Variants in ZNF521 observed in about 807,000 individuals in gnomAD.
ZNF521 encodes zinc finger protein 521, also known as LYST-interacting protein 3.
In ZNF521, 14 loss-of-function variants were observed where a neutral mutation model predicts 105.5. The ratio of observed to expected loss-of-function variants is 0.13; its 90% CI spans 0.09 to 0.21. The LOEUF (loss-of-function observed/expected upper bound fraction) is 0.21, where lower values mean the gene tolerates loss of function less well. Among genes scored for constraint, ZNF521 ranks in the 10% least tolerant of loss-of-function variants. The pLI is 1.00. For synonymous variants in ZNF521, 635 were observed against 606.0 expected (o/e 1.05, Z -0.70); for missense variants, 1,233 against 1,629.7 (o/e 0.76, Z 4.19).
At chr18:25,219,027 TG>T (rs1905524204) in intron 4 of ZNF521, among the ~76,000 whole-genome samples, 1 of 152,178 alleles carries the variant, frequency 6.6e-6, no homozygotes, top group Admixed American at 6.5e-5. Flanking sequence ...GCCTCAGTGA[TG>T]CTCCACTTCC....
intron 5 of ZNF521, among the ~76,000 whole-genome samples, chr18:25,143,495 G>A (rs1168008589): frequency 1.3e-5 from 2 of 152,056 alleles, no homozygotes; most frequent in Non-Finnish European, 2.9e-5. Flanking sequence ...TTCTGGGCAA[G>A]GATGGTTTTG....
chr18:25,266,340 A>G (rs974620451), intron 3 of ZNF521, among the ~76,000 whole-genome samples: 1 of 152,212 alleles, frequency 6.6e-6, no homozygotes, highest in Non-Finnish European at 1.5e-5. Context: ...TTAAAAAACA[A>G]TTTTATTAGA....
At chr18:25,217,865 G>A (rs1905431112) in intron 4 of ZNF521, among the ~76,000 whole-genome samples, 1 of 152,232 alleles carries the variant, frequency 6.6e-6, no homozygotes, top group Non-Finnish European at 1.5e-5. Context: ...TGCTTGGGAT[G>A]GAGAGTCAGG....
At chr18:25,278,306 C>T (rs1910160305) in intron 3 of ZNF521, among the ~76,000 whole-genome samples, 1 of 152,108 alleles carries the variant, frequency 6.6e-6, no homozygotes, top group African/African-American at 2.4e-5. Flanking sequence ...TTAGTAAATG[C>T]CTCAGCACAT....
intron 3 of ZNF521, among the ~76,000 whole-genome samples, chr18:25,270,511 G>A (rs1909579331): frequency 6.6e-6 from 1 of 152,116 alleles, no homozygotes; most frequent in Non-Finnish European, 1.5e-5. Context: ...GATGAACATT[G>A]ATGCAAAAAT....
intron 4 of ZNF521, among the ~76,000 whole-genome samples, chr18:25,220,671 T>A (rs562928734): frequency 1.2e-4 from 19 of 152,276 alleles, no homozygotes; most frequent in African/African-American, 4.1e-4. Context: ...ATGAGGATAA[T>A]GGTAATGCTG....
chr18:25,158,514 T>G (rs1400861913), intron 5 of ZNF521, among the ~76,000 whole-genome samples: 2 of 152,268 alleles, frequency 1.3e-5, no homozygotes, highest in East Asian at 3.9e-4. Flanking sequence ...ATTCTCTGAT[T>G]TTTAGGGAAG....
At chr18:25,157,497 T>G (rs1319532822) in intron 5 of ZNF521, among the ~76,000 whole-genome samples, 1 of 152,232 alleles carries the variant, frequency 6.6e-6, no homozygotes, top group Non-Finnish European at 1.5e-5. Flanking sequence ...TAATCAGAGA[T>G]AATACTATTA....
At chr18:25,243,658 C>T (rs1568031538) in intron 3 of ZNF521, among the ~76,000 whole-genome samples, 1 of 152,130 alleles carries the variant, frequency 6.6e-6, no homozygotes, top group Non-Finnish European at 1.5e-5. Context: ...GATCATCAAG[C>T]TGATTAATAA....
intron 4 of ZNF521, among the ~76,000 whole-genome samples, chr18:25,198,300 A>G (rs948669629): frequency 5.3e-5 from 8 of 151,798 alleles, no homozygotes; most frequent in African/African-American, 1.9e-4. Flanking sequence ...CCTTTTTGAC[A>G]TTCTTGTTTT....
rs757715423 is a variant in ZNF521, at chr18:25,225,529, C to G, written c.2389G>C (p.Glu797Gln). The G allele has an allele frequency of 1.2e-6, 2 of 1,614,186 alleles. No individual in the cohort carries two copies. The highest frequency in any genetic ancestry group is 1.7e-6 in the Non-Finnish European group (2 of 1,180,026). Reference sequence around the variant, plus strand: ...TGAGTGGTGATGTGGCATTGCAGCTCCACCTCGGTGCCAAAGGACTCACCG... The same window carrying G: ...TGAGTGGTGATGTGGCATTGCAGCTGCACCTCGGTGCCAAAGGACTCACCG... ...FCGESFGTEV[E>Q]LQCHITTHSK... The change falls in exon 4 of 8, where the codon GAG (glutamate) becomes CAG (glutamine). Residue 797 changes from glutamate (E) to glutamine (Q), a missense_variant. Transcript: ENST00000361524. The surrounding 1 kb of genome is among the most constrained non-coding windows in gnomAD (Gnocchi z 5.6).
intron 2 of ZNF521, among the ~76,000 whole-genome samples, chr18:25,335,826 G>A (rs116811908): frequency 0.011 from 1,698 of 152,244 alleles, 31 homozygotes; most frequent in African/African-American, 0.038. Flanking sequence ...GAGTATCACC[G>A]GACAAGTGAA....
intron 5 of ZNF521, among the ~76,000 whole-genome samples, chr18:25,174,933 C>A (rs1000811555): frequency 3.3e-5 from 5 of 152,208 alleles, no homozygotes; most frequent in Non-Finnish European, 5.9e-5. Flanking sequence ...ACTTACAAGT[C>A]TTCTCATTTT....
intron 7 of ZNF521, among the ~76,000 whole-genome samples, chr18:25,074,857 G>A (rs1011275254): frequency 8.5e-5 from 13 of 152,132 alleles, no homozygotes; most frequent in Admixed American, 2.0e-4. Context: ...ACTGGAAAGA[G>A]AACCCTTTAA....
chr18:25,114,618 A>G (rs1275886259), intron 5 of ZNF521, among the ~76,000 whole-genome samples: 2 of 152,218 alleles, frequency 1.3e-5, no homozygotes, highest in East Asian at 1.9e-4. Flanking sequence ...TCCACGAAAT[A>G]AATCAATAAA....
intron 5 of ZNF521, among the ~76,000 whole-genome samples, chr18:25,118,707 G>A (rs969015412): frequency 6.6e-6 from 1 of 151,936 alleles, no homozygotes; most frequent in Non-Finnish European, 1.5e-5. Context: ...AAGTCCAAAA[G>A]GGGGAAGAAA....
In ZNF521 at chr18:25,062,749, TAACAAAAAAAAAAA is replaced by T; in HGVS notation, c.3907-22_3907-9del. 19 of 204,546 alleles carry T rather than the reference TAACAAAAAAAAAAA, an allele frequency of 9.3e-5. No homozygotes were observed. The highest frequency in any genetic ancestry group is 1.3e-4 in the Non-Finnish European group (18 of 140,822). The allele number at this position is 204,546 out of a possible 1,614,324, so 12.7% of individuals were successfully genotyped here. ...TTGGGTCATTGTATGATTCTGTAAA[TAACAAAAAAAAAAA>T]AAAAAAAAAAAAAAAAAAAAAAGAG... is the stretch of plus-strand genomic sequence containing the variant. On this transcript the variant is annotated splice_polypyrimidine_tract_variant and intron_variant, in intron 7 of 7. Transcript: ENST00000361524.
At chr18:25,337,749 C>A (rs1334732815) in intron 2 of ZNF521, among the ~76,000 whole-genome samples, 1 of 152,152 alleles carries the variant, frequency 6.6e-6, no homozygotes, top group African/African-American at 2.4e-5. Flanking sequence ...CCAGCAATTC[C>A]ATTTTTAGGA....
intron 5 of ZNF521, among the ~76,000 whole-genome samples, chr18:25,098,879 C>T (rs543711351): frequency 3.3e-5 from 5 of 152,234 alleles, no homozygotes; most frequent in South Asian, 4.1e-4. Flanking sequence ...TTTGTGAGCA[C>T]GCAAATACAA....
Sources: allele counts gnomAD v4.1 joint callset (sites outside exome capture counted in the v4.1 genomes callset), GRCh38; gene constraint gnomAD v4.1.1; non-coding constraint Gnocchi (gnomAD v3.1); transcripts MANE v1.5; gene names NCBI Gene and HGNC (gene_info 2026-07-23, HGNC 2026-07-21).